The following COX7A2 variants were observed in gnomAD, a reference collection of about 807,000 sequenced individuals.
COX7A2 encodes cytochrome c oxidase subunit 7A2, mitochondrial.
In COX7A2, 11 loss-of-function variants were observed where a neutral mutation model predicts 11.6. That is an observed-to-expected ratio of 0.95 (90% confidence interval 0.60 to 1.57). The LOEUF is 1.57. Among genes scored for constraint, COX7A2 ranks in the 40% most tolerant of loss-of-function variants. The pLI is 0.00. For missense variants in COX7A2, 106 were observed against 100.9 expected, an observed-to-expected ratio of 1.05 and a Z score of -0.22; for synonymous variants, 30 against 38.2, an observed-to-expected ratio of 0.78 and a Z score of 0.79.
chr6:75,240,333 A>G lies in COX7A2; in HGVS notation c.161T>C (p.Leu54Pro). ...YLKGGVADAL[L>P]YRATMILTVG... The stretch of plus-strand genomic sequence containing the variant: ...TGTAAGAATCATGGTGGCTCTATAC[A>G]GGAGGGCATCAGCTACCCCACCCTT... Residue 54 changes from leucine to proline, a missense_variant, in exon 3 of 4, where the codon CTG becomes CCG. By Grantham distance (98) the Leu-to-Pro change is moderately conservative. Coordinates refer to ENST00000684430, the MANE Select transcript of COX7A2 (RefSeq NM_001366293.2). 6.2e-7 allele frequency: 1 copy of G among 1,611,190 alleles called. No homozygotes were observed.
chr6:75,245,130 C>T (rs1771651846), upstream of COX7A2, among the ~76,000 whole-genome samples: 1 of 152,212 alleles, frequency 6.6e-6, no homozygotes. Flanking sequence ...CTGCTAAAGA[C>T]AGTATTAACC....
At chr6:75,247,114 T>A (rs1771695789), upstream of COX7A2, among the ~76,000 whole-genome samples, 1 of 152,160 alleles carries the variant, frequency 6.6e-6, no homozygotes, top group Non-Finnish European at 1.5e-5. Flanking sequence ...ATGGTTTAAG[T>A]CTCGTCAGTA....
rs116730589 is a variant in COX7A2, at chr6:75,239,350, C to A, written c.193+951G>T. On this transcript the variant is annotated intron_variant, in intron 3 of 3. Transcript: ENST00000684430. ...CCATTACTTGGTGTGCAGGGAAAAA[C>A]CCCCACACATTTGGCAACAGAGATC... Among the ~76,000 whole-genome samples the A allele has an allele frequency of 8.2e-3, 1,251 of 152,240 alleles. 15 individuals are homozygous for A. Among genetic ancestry groups the A allele is most frequent in the African/African-American group, 0.028 (1,159 of 41,524 alleles).
intron 3 of COX7A2, 45 bp from the exon 4 acceptor site, chr6:75,238,033 T>G (rs774891152): frequency 1.5e-6 from 2 of 1,303,360 alleles, no homozygotes; most frequent in Non-Finnish European, 2.1e-6. Context: ...AATTCTAAGA[T>G]CTAAGTGTAT....
chr6:75,242,501 C>T (rs776752227), intron 1 of COX7A2, among the ~76,000 whole-genome samples: 59 of 148,872 alleles, frequency 4.0e-4, no homozygotes, highest in African/African-American at 1.3e-3. Flanking sequence ...AATGAAACTC[C>T]GCTCAAAAAA....
At chr6:75,240,027 G>A (rs1365251372) in intron 3 of COX7A2, among the ~76,000 whole-genome samples, 2 of 152,050 alleles carry the variant, frequency 1.3e-5, no homozygotes, top group African/African-American at 4.8e-5. Flanking sequence ...CTTGAACCCG[G>A]GAGGCAGAGG....
upstream of COX7A2, among the ~76,000 whole-genome samples, chr6:75,247,513 G>A (rs1771705385): frequency 6.6e-6 from 1 of 152,110 alleles, no homozygotes; most frequent in African/African-American, 2.4e-5. Context: ...TTGGACATCA[G>A]GAAACAGTTG....
chr6:75,249,667 G>A lies in COX7A2; in HGVS notation c.-44+389C>T, dbSNP rs570388784. Among the ~76,000 whole-genome samples the A allele has an allele frequency of 2.7e-4, 41 of 152,342 alleles. No individual in the cohort carries two copies. The South Asian group carries it at 8.3e-3, about 31-fold the overall frequency. On this transcript the variant is annotated intron_variant, in intron 1 of 4. Transcript: ENST00000370081. Reference sequence around the variant, plus strand: ...TTGCAAAGGCAAAGAAGACAGGGTGGCCAAATGTCTTGGGGAATTGCAAAT... The same window carrying A: ...TTGCAAAGGCAAAGAAGACAGGGTGACCAAATGTCTTGGGGAATTGCAAAT...
At chr6:75,245,394 G>A (rs1262509600), upstream of COX7A2, among the ~76,000 whole-genome samples, 1 of 151,994 alleles carries the variant, frequency 6.6e-6, no homozygotes, top group Non-Finnish European at 1.5e-5. Flanking sequence ...AGGAGGTTGA[G>A]GCAGGAGAAT....
upstream of COX7A2, among the ~76,000 whole-genome samples, chr6:75,247,453 A>C (rs1356104023): frequency 6.6e-6 from 1 of 152,218 alleles, no homozygotes; most frequent in Non-Finnish European, 1.5e-5. Context: ...GGTTAGGTAA[A>C]AGATAACATT....
intron 1 of COX7A2, among the ~76,000 whole-genome samples, chr6:75,243,339 G>C (rs532666036): frequency 2.6e-5 from 4 of 152,106 alleles, no homozygotes; most frequent in Non-Finnish European, 5.9e-5. Context: ...TTCAGTACCA[G>C]AAAAACACCT....
At chr6:75,240,571 A>G in intron 2 of COX7A2, 186 bp from the exon 3 acceptor site, 1 of 480,366 alleles carries the variant, frequency 2.1e-6, no homozygotes, top group Non-Finnish European at 3.6e-6. Context: ...TACTTTTAAA[A>G]TAAGAATTCC....
chr6:75,243,880 A>C, upstream of COX7A2: 2 of 1,549,584 alleles, frequency 1.3e-6, no homozygotes, highest in Non-Finnish European at 1.8e-6. Context: ...GCTCCTAACC[A>C]TAGAGAGCAA....
chr6:75,244,705 G>GA (rs1400778710), upstream of COX7A2, among the ~76,000 whole-genome samples: 1 of 152,056 alleles, frequency 6.6e-6, no homozygotes, highest in Non-Finnish European at 1.5e-5. Flanking sequence ...TTTCAAATAA[G>GA]AAACCCATAG....
At chr6:75,249,430 A>T (rs1771746582) in intron 1 of COX7A2, among the ~76,000 whole-genome samples, 1 of 152,238 alleles carries the variant, frequency 6.6e-6, no homozygotes, top group Non-Finnish European at 1.5e-5. Context: ...AGAACTTGGA[A>T]GTCAGACAGA....
upstream of COX7A2, chr6:75,243,966 G>T: frequency 1.4e-6 from 1 of 726,674 alleles, no homozygotes; most frequent in Non-Finnish European, 2.2e-6. Context: ...TCTCGTTCCT[G>T]ACCTTTTCGA....
intron 1 of COX7A2, among the ~76,000 whole-genome samples, chr6:75,242,815 T>A (rs562761776): frequency 6.7e-6 from 1 of 148,176 alleles, no homozygotes; most frequent in African/African-American, 2.5e-5. Context: ...TGAGACTACG[T>A]CTCAAAAAAA....
At chr6:75,250,089 G>A (rs1484753558) in exon 1 of COX7A2, 1 of 152,214 alleles carries the variant, frequency 6.6e-6, no homozygotes, top group East Asian at 1.9e-4. Flanking sequence ...TCACAGTAAT[G>A]AGGAATGTAA....
At position 75,237,981 on chromosome 6, in the gene COX7A2, T is replaced by C; in HGVS notation, c.201A>G (p.Ala67=). 1.3e-6 allele frequency: 2 copies of C among 1,545,626 alleles called. No homozygotes were observed. The highest frequency in any genetic ancestry group is 1.8e-6 in the Non-Finnish European group (2 of 1,140,366). Residue 67 remains alanine, a synonymous_variant, in exon 4 of 4, where the codon GCA becomes GCG. Transcript: ENST00000684430. The part of the protein sequence containing the change: ...ATMILTVGGT[A]YAIYELAVAS... ...CCACAGCCAGCTCATATATGGCATATGCTGTTCCTAAAAATAAAAAACAAA... is the reference window on the plus strand; with the variant it reads ...CCACAGCCAGCTCATATATGGCATACGCTGTTCCTAAAAATAAAAAACAAA...
Sources: gnomAD v4.1 joint callset for allele counts (sites outside exome capture counted in the v4.1 genomes callset) on GRCh38, gnomAD v4.1.1 for gene constraint, MANE v1.5 for transcripts, NCBI Gene and HGNC (gene_info 2026-07-23, HGNC 2026-07-21) for gene names.